ELL: variants seen among roughly 807,000 people sequenced by gnomAD.
ELL encodes elongation factor for RNA polymerase II, also known as RNA polymerase II elongation factor ELL.
A neutral mutation model predicts 64.0 loss-of-function variants in ELL; 18 were observed. The observed-to-expected ratio is 0.28, with a 90% CI of 0.19 to 0.42. ELL has a LOEUF of 0.42. Among genes scored for constraint, ELL ranks in the 10% least tolerant of loss-of-function variants. ELL has a pLI of 1.00. For missense variants in ELL, 797 were observed against 870.4 expected (o/e 0.92, Z 1.06); for synonymous variants, 399 against 376.2 (o/e 1.06, Z -0.70).
chr19:18,492,441 C>T (rs1045135154), intron 1 of ELL, among the ~76,000 whole-genome samples: 4 of 152,198 alleles, frequency 2.6e-5, no homozygotes, highest in Non-Finnish European at 5.9e-5. Context: ...AAGCAATAAG[C>T]TACAGTGGTA....
rs567180237 is a variant in ELL, at chr19:18,444,747, G to A, written c.*5C>T. 29 of 1,596,524 alleles carry A rather than the reference G, an allele frequency of 1.8e-5. No homozygotes were observed. The South Asian group carries it at 2.6e-4, about 15-fold the overall frequency. ...CTCCCAGATCCCCGCCATCGGGGAG[G>A]GCGGCTAGGGCCAAGCCTGCAGCTG... On this transcript the variant is annotated 3_prime_UTR_variant, in exon 12 of 12. Transcript: ENST00000262809.
intron 1 of ELL, 190 bp from the exon 2 acceptor site, chr19:18,473,072 T>G: frequency 1.4e-6 from 1 of 702,946 alleles, no homozygotes; most frequent in Non-Finnish European, 2.4e-6. Flanking sequence ...GAAGGATCAG[T>G]AGGAGTTCCT....
At chr19:18,445,128 T>C in intron 11 of ELL, 96 bp downstream of exon 11, 1 of 1,534,418 alleles carries the variant, frequency 6.5e-7, no homozygotes, top group Non-Finnish European at 9.0e-7. Context: ...CCCCACACCT[T>C]GGAAGTAGCG....
chr19:18,452,403 C>A (rs1019461766), intron 6 of ELL, among the ~76,000 whole-genome samples: 4 of 152,234 alleles, frequency 2.6e-5, no homozygotes, highest in African/African-American at 9.6e-5. Context: ...GTGTCACTTC[C>A]CTGGTGGCCT....
intron 1 of ELL, among the ~76,000 whole-genome samples, chr19:18,482,763 T>TTGTTGTTGTTGTTG (rs1975329684): frequency 6.7e-6 from 1 of 149,602 alleles, no homozygotes; most frequent in African/African-American, 2.5e-5. Flanking sequence ...CTTTTTGGTT[T>TTGTTGTTGTTGTTG]TTGTTGTTGT....
intron 2 of ELL, among the ~76,000 whole-genome samples, chr19:18,468,045 C>A (rs1349074645): frequency 6.8e-6 from 1 of 147,094 alleles, no homozygotes; most frequent in Non-Finnish European, 1.5e-5. Flanking sequence ...ACAACCCCCA[C>A]ACACACAGCC....
chr19:18,453,346 G>A (rs923043427), intron 6 of ELL, among the ~76,000 whole-genome samples: 9 of 152,318 alleles, frequency 5.9e-5, no homozygotes, highest in African/African-American at 1.9e-4. Flanking sequence ...CTGAATAGAC[G>A]TTTCTTCAAA....
chr19:18,478,711 G>A (rs1400857487), intron 1 of ELL, among the ~76,000 whole-genome samples: 1 of 152,254 alleles, frequency 6.6e-6, no homozygotes, highest in Non-Finnish European at 1.5e-5. Context: ...CTGTGCCGAG[G>A]CTGGTGCTCC....
chr19:18,446,963 G>T, intron 8 of ELL, 149 bp from the exon 9 acceptor site: 1 of 910,916 alleles, frequency 1.1e-6, no homozygotes, highest in South Asian at 1.6e-5. Flanking sequence ...TGTGGCAGGT[G>T]CAAGGGCTGA....
intron 1 of ELL, among the ~76,000 whole-genome samples, chr19:18,480,490 G>A (rs1321161478): frequency 1.3e-5 from 2 of 152,320 alleles, no homozygotes; most frequent in East Asian, 3.9e-4. Context: ...GCAGAGCAGA[G>A]GGCAGGACCC....
At position 18,458,319 on chromosome 19, in the gene ELL, A is replaced by G. The variant is rs778775562; in HGVS notation, c.755T>C (p.Met252Thr). 1 of 1,610,726 alleles carries G rather than the reference A, an allele frequency of 6.2e-7. No individual in the cohort carries two copies. Among genetic ancestry groups the G allele is most frequent in the African/African-American group, 1.3e-5 (1 of 74,780 alleles). ...LDGLLQQVAN[M>T]SAKDGTCTLQ... ...TGTACACGTGCCGTCCTTAGCACTC[A>G]TGTTGGCCACCTGCAAGACAGAGCC... Residue 252 changes from methionine to threonine, a missense_variant, in exon 6 of 12, where the codon ATG (methionine) becomes ACG (threonine). Transcript: ENST00000262809.
At chr19:18,503,980 G>A (rs377417222) in intron 1 of ELL, among the ~76,000 whole-genome samples, 11 of 152,328 alleles carry the variant, frequency 7.2e-5, no homozygotes, top group South Asian at 2.1e-4. Flanking sequence ...TGGACAACCC[G>A]CTCACTCACA....
intron 1 of ELL, among the ~76,000 whole-genome samples, chr19:18,498,482 G>A (rs1405784957): frequency 6.6e-6 from 1 of 152,170 alleles, no homozygotes; most frequent in Non-Finnish European, 1.5e-5. Flanking sequence ...GTGTGAGACT[G>A]CACAGTACCA....
At chr19:18,461,925 TGCCC>T in intron 4 of ELL, 73 bp from the exon 5 acceptor site, 1 of 1,545,732 alleles carries the variant, frequency 6.5e-7, no homozygotes, top group South Asian at 1.2e-5. Context: ...GCTGACCAGG[TGCCC>T]AGAGGTTTGA....
At position 18,518,023 on chromosome 19, in the gene ELL, C is replaced by G. The variant is rs547082113; in HGVS notation, c.135+3898G>C. 2.1e-4 allele frequency among the ~76,000 whole-genome samples: 31 copies of G among 150,290 alleles called. No individual in the cohort carries two copies. In the South Asian group the frequency reaches 4.6e-3, roughly 22 times the overall value. On this transcript the variant is annotated intron_variant, in intron 1 of 11. Coordinates refer to ENST00000262809, the MANE Select transcript of ELL (RefSeq NM_006532.4). ...ATCACCTGAGGTCAGGAGTTCGAGA[C>G]CAGCCTGACCAACATGGTAAAACCC...
At chr19:18,453,140 G>A (rs1387618968) in intron 6 of ELL, among the ~76,000 whole-genome samples, 1 of 152,196 alleles carries the variant, frequency 6.6e-6, no homozygotes, top group Non-Finnish European at 1.5e-5. Flanking sequence ...CGGGCATGGT[G>A]GTGGGCACCT....
intron 2 of ELL, among the ~76,000 whole-genome samples, chr19:18,469,665 TCA>T (rs1975021378): frequency 6.6e-6 from 1 of 152,142 alleles, no homozygotes; most frequent in South Asian, 2.1e-4. Flanking sequence ...TAGTCCATGC[TCA>T]CAGACACAGA....
chr19:18,492,333 A>G (rs1261648715), intron 1 of ELL, among the ~76,000 whole-genome samples: 6 of 152,208 alleles, frequency 3.9e-5, no homozygotes, highest in African/African-American at 1.4e-4. Flanking sequence ...CCATTCCTGC[A>G]TGGCTCAGCC....
intron 1 of ELL, among the ~76,000 whole-genome samples, chr19:18,508,092 C>T (rs1392577168): frequency 6.6e-6 from 1 of 152,226 alleles, no homozygotes; most frequent in Non-Finnish European, 1.5e-5. Context: ...CTGAGAAAAA[C>T]TCCCGGAAAA....
Sources: allele counts gnomAD v4.1 joint callset (sites outside exome capture counted in the v4.1 genomes callset), GRCh38; gene constraint gnomAD v4.1.1; transcripts MANE v1.5; gene names NCBI Gene and HGNC (gene_info 2026-07-23, HGNC 2026-07-21).